Variants in SNX8 observed in about 807,000 individuals in gnomAD.
SNX8 encodes sorting nexin-8.
Under a neutral mutation model 51.6 loss-of-function variants are expected in SNX8, and 25 were observed. The observed-to-expected ratio is 0.48, with a 90% CI of 0.35 to 0.68. The LOEUF (loss-of-function observed/expected upper bound fraction) is 0.68, where lower values mean the gene tolerates loss of function less well. SNX8 is among the 30% of genes least tolerant of loss of function. SNX8 has a pLI of 0.00. For synonymous variants in SNX8, 324 were observed against 277.0 expected (o/e 1.17, Z -1.68); for missense variants, 695 against 624.0 (o/e 1.11, Z -1.21).
At chr7:2,288,340 A>G (rs1274496690) in intron 1 of SNX8, 2 of 149,686 alleles carry the variant, frequency 1.3e-5, no homozygotes, top group African/African-American at 2.8e-5. Context: ...ACAGAGCAAG[A>G]CTGTCTTAAA....
intron 1 of SNX8, chr7:2,309,976 C>G: frequency 2.3e-6 from 1 of 426,712 alleles, no homozygotes; most frequent in Non-Finnish European, 4.8e-6. Flanking sequence ...TCAACGCGGA[C>G]AAACAGCACG....
chr7:2,275,206 T>C lies in SNX8; in HGVS notation c.324A>G (p.Arg108=), dbSNP rs1562432446. ...SSQRFKSSVY[R]RYNDFVVFQE... ...GGAAGACCACGAAGTCATTGTACCG[T>C]CTGTATACCGAGGACTTGAAGCGCT... Residue 108 remains arginine, a synonymous_variant, in exon 3 of 11, where the codon AGA becomes AGG. Coordinates refer to ENST00000222990, the MANE Select transcript of SNX8 (RefSeq NM_013321.4). 3 of 1,613,864 alleles carry C rather than the reference T, an allele frequency of 1.9e-6. No individual in the cohort carries two copies. Among genetic ancestry groups the C allele is most frequent in the Non-Finnish European group, 1.7e-6 (2 of 1,179,814 alleles).
chr7:2,268,369 G>T (rs1322904211), intron 5 of SNX8, among the ~76,000 whole-genome samples: 1 of 142,674 alleles, frequency 7.0e-6, no homozygotes, highest in East Asian at 2.3e-4. Flanking sequence ...GAGAAGTGAG[G>T]AGCCTCTCCG....
chr7:2,311,489 C>G (rs1472146219), intron 1 of SNX8, among the ~76,000 whole-genome samples: 1 of 152,190 alleles, frequency 6.6e-6, no homozygotes, highest in African/African-American at 2.4e-5. Context: ...TCCCCAAGTG[C>G]TGTGATTTCA....
chr7:2,299,139 C>T (rs577241124), intron 1 of SNX8, among the ~76,000 whole-genome samples: 1 of 152,112 alleles, frequency 6.6e-6, no homozygotes, highest in Admixed American at 6.6e-5. Flanking sequence ...TCATCAGGAA[C>T]CAGACCACGC....
intron 5 of SNX8, 70 bp from the exon 6 acceptor site, chr7:2,264,528 G>A: frequency 2.0e-6 from 3 of 1,508,548 alleles, no homozygotes; most frequent in Non-Finnish European, 2.7e-6. Context: ...GCAGCAGCCG[G>A]TCCCCCAGAA....
intron 5 of SNX8, among the ~76,000 whole-genome samples, chr7:2,266,287 C>T (rs1795461988): frequency 6.6e-6 from 1 of 152,052 alleles, no homozygotes; most frequent in African/African-American, 2.4e-5. Flanking sequence ...TGGGTTCAAG[C>T]AGTCCTCTTG....
chr7:2,256,394 G>A (rs982963557), intron 10 of SNX8, among the ~76,000 whole-genome samples: 5 of 152,222 alleles, frequency 3.3e-5, no homozygotes, highest in Non-Finnish European at 5.9e-5. Flanking sequence ...TAATCCCAGC[G>A]GTGCTGCAGT....
chr7:2,305,161 C>T (rs932104917), intron 1 of SNX8, among the ~76,000 whole-genome samples: 1 of 152,158 alleles, frequency 6.6e-6, no homozygotes, highest in Non-Finnish European at 1.5e-5. Context: ...CAGCTGGAGG[C>T]AGGGGAGCTC....
rs8180711 is a variant in SNX8, at chr7:2,275,209, G to A, written c.321C>T (p.Tyr107=). Residue 107 remains tyrosine, a synonymous_variant, in exon 3 of 11, where the codon TAC becomes TAT. Coordinates refer to ENST00000222990, the MANE Select transcript of SNX8 (RefSeq NM_013321.4). Reference sequence around the variant, plus strand: ...AGACCACGAAGTCATTGTACCGTCTGTATACCGAGGACTTGAAGCGCTGCA... The same window carrying A: ...AGACCACGAAGTCATTGTACCGTCTATATACCGAGGACTTGAAGCGCTGCA... ...VSSQRFKSSV[Y]RRYNDFVVFQ... 2,253 of 1,613,726 alleles carry A rather than the reference G, an allele frequency of 1.4e-3. 55 individuals are homozygous for A. The East Asian group carries it at 0.041, about 29-fold the overall frequency.
intron 5 of SNX8, among the ~76,000 whole-genome samples, chr7:2,265,738 T>C (rs1393931441): frequency 1.3e-5 from 2 of 152,174 alleles, no homozygotes; most frequent in Non-Finnish European, 2.9e-5. Flanking sequence ...CTATGCCGCG[T>C]TTATTCCCAA....
At chr7:2,263,438 C>G in intron 6 of SNX8, 76 bp from the exon 7 acceptor site, 3 of 1,422,482 alleles carry the variant, frequency 2.1e-6, no homozygotes, top group East Asian at 2.5e-5. Context: ...GGCATCCCCC[C>G]CGACAGATGT....
At chr7:2,272,363 C>T (rs1795669311) in intron 3 of SNX8, among the ~76,000 whole-genome samples, 1 of 151,920 alleles carries the variant, frequency 6.6e-6, no homozygotes, top group Admixed American at 6.6e-5. Context: ...CTAACGCAAC[C>T]CAGGTCTTCT....
At chr7:2,313,105 T>C (rs1051069783) in intron 1 of SNX8, among the ~76,000 whole-genome samples, 1 of 151,860 alleles carries the variant, frequency 6.6e-6, no homozygotes, top group Admixed American at 6.6e-5. Flanking sequence ...TTCACCGTGT[T>C]AGCCAGGATG....
chr7:2,307,320 CCGCG>C (rs2115198677), intron 1 of SNX8, among the ~76,000 whole-genome samples: 1 of 152,002 alleles, frequency 6.6e-6, no homozygotes, highest in East Asian at 1.9e-4. Flanking sequence ...CAGAGCGTGG[CCGCG>C]CTCCAGTTTC....
intron 5 of SNX8, among the ~76,000 whole-genome samples, chr7:2,267,140 T>C (rs1795483249): frequency 6.6e-6 from 1 of 152,186 alleles, no homozygotes; most frequent in African/African-American, 2.4e-5. Context: ...CTCCCAGCCC[T>C]GTGTCGGAGC....
upstream of SNX8, among the ~76,000 whole-genome samples, chr7:2,316,510 C>G (rs1338473320): frequency 2.0e-5 from 3 of 151,826 alleles, no homozygotes; most frequent in East Asian, 5.8e-4. Flanking sequence ...TTCATTCACC[C>G]ACTCACTCAC....
At chr7:2,322,059 C>G (rs1359439108) in intron 1 of SNX8, among the ~76,000 whole-genome samples, 2 of 152,144 alleles carry the variant, frequency 1.3e-5, no homozygotes, top group African/African-American at 4.8e-5. Context: ...TGCTTAGTAG[C>G]AAGAACCCAG....
chr7:2,303,450 G>A (rs1205338564), intron 1 of SNX8, among the ~76,000 whole-genome samples: 1 of 152,260 alleles, frequency 6.6e-6, no homozygotes, highest in African/African-American at 2.4e-5. Flanking sequence ...CCGTCTGGGA[G>A]GTGTACTCAA....
Sources: allele counts gnomAD v4.1 joint callset (sites outside exome capture counted in the v4.1 genomes callset), GRCh38; gene constraint gnomAD v4.1.1; transcripts MANE v1.5; gene names NCBI Gene and HGNC (gene_info 2026-07-23, HGNC 2026-07-21).